HECW1: variants seen among roughly 807,000 people sequenced by gnomAD.
HECW1 encodes HECT, C2 and WW domain containing E3 ubiquitin protein ligase 1.
In HECW1, 61 loss-of-function variants were observed where a neutral mutation model predicts 182.3. The ratio of observed to expected loss-of-function variants is 0.33; its 90% CI spans 0.27 to 0.41. The LOEUF (loss-of-function observed/expected upper bound fraction) is 0.41. Ranked by LOEUF, HECW1 falls within the 10% of genes least tolerant of loss-of-function variation. HECW1 has a pLI of 1.00. For synonymous variants in HECW1, 859 were observed against 832.6 expected (o/e 1.03, Z -0.55); for missense variants, 1,739 against 2,108.9 (o/e 0.82, Z 3.44).
chr7:43,188,716 T>A (rs2152681822), intron 2 of HECW1, among the ~76,000 whole-genome samples: 1 of 152,254 alleles, frequency 6.6e-6, no homozygotes, highest in Non-Finnish European at 1.5e-5. Context: ...TTACTTTGGG[T>A]CACAATTCAT....
intron 26 of HECW1, among the ~76,000 whole-genome samples, chr7:43,549,116 C>T (rs2081691692): frequency 6.6e-6 from 1 of 152,176 alleles, no homozygotes; most frequent in South Asian, 2.1e-4. Flanking sequence ...ACACACAGCC[C>T]ATCCCTTCAA....
intron 2 of HECW1, among the ~76,000 whole-genome samples, chr7:43,158,366 T>C (rs539782859): frequency 6.6e-6 from 1 of 152,190 alleles, no homozygotes; most frequent in Non-Finnish European, 1.5e-5. Flanking sequence ...TGCATGTTTA[T>C]TGTAGAACTT....
intron 5 of HECW1, among the ~76,000 whole-genome samples, chr7:43,340,225 C>G (rs1171879270): frequency 9.8e-6 from 1 of 101,912 alleles, no homozygotes; most frequent in Non-Finnish European, 1.8e-5. Context: ...ACCCCCCACC[C>G]CTTTTTTTTT....
intron 29 of HECW1, among the ~76,000 whole-genome samples, chr7:43,556,673 G>C (rs1303571092): frequency 6.6e-6 from 1 of 150,722 alleles, no homozygotes; most frequent in African/African-American, 2.4e-5. Context: ...GGGCAACAGA[G>C]TGAGACCTTG....
At chr7:43,430,877 G>A (rs1387310779) in intron 8 of HECW1, among the ~76,000 whole-genome samples, 1 of 150,960 alleles carries the variant, frequency 6.6e-6, no homozygotes, top group South Asian at 2.1e-4. Flanking sequence ...TGCCTCCTGG[G>A]TTCAAGCAAT....
At chr7:43,435,346 A>G (rs2076677195) in intron 8 of HECW1, among the ~76,000 whole-genome samples, 1 of 152,318 alleles carries the variant, frequency 6.6e-6, no homozygotes, top group Non-Finnish European at 1.5e-5. Context: ...AGGCCTTTTT[A>G]GAGTAGTACC....
chr7:43,534,951 C>T (rs932120597), intron 24 of HECW1, among the ~76,000 whole-genome samples: 6 of 152,198 alleles, frequency 3.9e-5, no homozygotes, highest in African/African-American at 1.4e-4. Flanking sequence ...GACTGACCTC[C>T]ACTAGTCCTT....
chr7:43,371,409 ATGGGAATGC>A (rs1817344935), intron 6 of HECW1, among the ~76,000 whole-genome samples: 1 of 152,102 alleles, frequency 6.6e-6, no homozygotes, highest in Non-Finnish European at 1.5e-5. Context: ...CAGGGGATAT[ATGGGAATGC>A]TGTGCTTTCT....
Position 43,361,082 on chromosome 7 carries a change from G to A in HECW1, c.555+102G>A, listed in dbSNP as rs2152812355. ...CGTGTGTGTGTGTGTGTGTGTGTGTGTGTGTGTACGTGTACATACACACAT... is the reference window on the plus strand; with the variant it reads ...CGTGTGTGTGTGTGTGTGTGTGTGTATGTGTGTACGTGTACATACACACAT... On this transcript the variant is annotated intron_variant, in intron 6 of 29. Transcript: ENST00000395891. 11 of 660,468 alleles carry A rather than the reference G, an allele frequency of 1.7e-5. No homozygotes were observed. The highest frequency in any genetic ancestry group is 3.1e-5 in the East Asian group (1 of 32,164). 40.9% of individuals were successfully genotyped at this position (660,468 alleles called of 1,614,324 possible).
intron 28 of HECW1, among the ~76,000 whole-genome samples, chr7:43,552,907 G>A (rs1004547020): frequency 4.3e-4 from 65 of 152,034 alleles, no homozygotes; most frequent in Non-Finnish European, 8.8e-5. Context: ...AGGTGACATC[G>A]TCCTCATATT....
intron 2 of HECW1, among the ~76,000 whole-genome samples, chr7:43,203,793 C>G (rs1056015941): frequency 4.6e-5 from 7 of 152,150 alleles, no homozygotes; most frequent in Admixed American, 4.6e-4. Context: ...TGTGTATTGT[C>G]ATCAGTAACA....
At position 43,151,776 on chromosome 7, in the gene HECW1, T is replaced by C. The variant is rs188375425; in HGVS notation, c.-32+37385T>C. On this transcript the variant is annotated intron_variant, in intron 2 of 29. Coordinates refer to ENST00000395891, the MANE Select transcript of HECW1 (RefSeq NM_015052.5). ...GGATAGATTTAGTGTATCCAACATA[T>C]GTTTATTCTCTTCACTCTAATTGGA... Among the ~76,000 whole-genome samples, 13 of 152,306 alleles carry C rather than the reference T, an allele frequency of 8.5e-5. No individual in the cohort carries two copies. The East Asian group carries it at 2.1e-3, about 25-fold the overall frequency.
chr7:43,253,150 G>T (rs1361454535), intron 3 of HECW1, among the ~76,000 whole-genome samples: 1 of 151,978 alleles, frequency 6.6e-6, no homozygotes, highest in East Asian at 1.9e-4. Context: ...AAAAAATCCT[G>T]GTCATTTTGA....
At chr7:43,223,512 G>A (rs886085051) in intron 2 of HECW1, among the ~76,000 whole-genome samples, 12 of 152,148 alleles carry the variant, frequency 7.9e-5, no homozygotes, top group South Asian at 4.2e-4. Context: ...CCAGCTACTC[G>A]GGAGGCCGAG....
chr7:43,132,752 C>T (rs1787097796), intron 2 of HECW1, among the ~76,000 whole-genome samples: 1 of 152,060 alleles, frequency 6.6e-6, no homozygotes, highest in African/African-American at 2.4e-5. Context: ...TTCTTTCTTC[C>T]TTCCTTCCAC....
chr7:43,323,077 AT>A (rs1227715960), intron 5 of HECW1, among the ~76,000 whole-genome samples: 13 of 152,208 alleles, frequency 8.5e-5, no homozygotes, highest in Admixed American at 7.2e-4. Context: ...CTACACTTTG[AT>A]ACTATATGAT....
chr7:43,366,771 A>C (rs1053215324), intron 6 of HECW1, among the ~76,000 whole-genome samples: 1 of 152,142 alleles, frequency 6.6e-6, no homozygotes, highest in African/African-American at 2.4e-5. Flanking sequence ...ATGAAGTCTC[A>C]ATTTTACCCT....
Position 43,114,308 on chromosome 7 carries a change from A to G in HECW1, c.-115A>G. ...AAGGCCAACCGTTAAAGACCCCGGC[A>G]GTGTTGTGGTCCAAGGCGTCTCAAA... On this transcript the variant is annotated 5_prime_UTR_variant, in exon 2 of 30. Transcript: ENST00000395891. 2 of 1,362,844 alleles carry G rather than the reference A, an allele frequency of 1.5e-6. No individual in the cohort carries two copies. Among genetic ancestry groups the G allele is most frequent in the Non-Finnish European group, 1.9e-6 (2 of 1,033,912 alleles). The allele number at this position is 1,362,844 out of a possible 1,614,324, so 84.4% of individuals were successfully genotyped here.
chr7:43,457,701 G>A (rs1033452912), intron 13 of HECW1, among the ~76,000 whole-genome samples: 3 of 151,796 alleles, frequency 2.0e-5, no homozygotes, highest in Admixed American at 6.5e-5. Context: ...CTTGAACCCG[G>A]GAGGCAGAGG....
Sources: allele counts gnomAD v4.1 joint callset (sites outside exome capture counted in the v4.1 genomes callset), GRCh38; gene constraint gnomAD v4.1.1; transcripts MANE v1.5; gene names NCBI Gene and HGNC (gene_info 2026-07-23, HGNC 2026-07-21).